The following CCSER2 variants were observed in gnomAD, a reference collection of about 807,000 sequenced individuals.
CCSER2 encodes serine-rich coiled-coil domain-containing protein 2.
CCSER2 carries 46 observed loss-of-function variants against 92.3 expected under a neutral mutation model. The observed-to-expected ratio is 0.50, with a 90% confidence interval of 0.39 to 0.64. The LOEUF is 0.64. Ranked by LOEUF, CCSER2 falls within the 30% of genes least tolerant of loss-of-function variation. The pLI, the probability that CCSER2 is intolerant of heterozygous loss-of-function variation, is 0.00. For missense variants in CCSER2, 1,244 were observed against 1,238.9 expected (o/e 1.00, Z -0.06); for synonymous variants, 433 against 431.4 (o/e 1.00, Z -0.04).
intron 8 of CCSER2, among the ~76,000 whole-genome samples, chr10:84,471,923 T>A (rs1336909839): frequency 2.0e-5 from 3 of 152,136 alleles, no homozygotes. Context: ...TTAGAAGTAC[T>A]GAATTTTTTA....
In CCSER2 at chr10:84,503,033, G is replaced by A. The variant is rs780817570; in HGVS notation, c.2326-10416G>A. 4.3e-4 allele frequency among the ~76,000 whole-genome samples: 66 copies of A among 152,030 alleles called. 1 individual carries two copies. Among genetic ancestry groups the A allele is most frequent in the African/African-American group, 3.1e-4 (13 of 41,414 alleles). On this transcript the variant is annotated intron_variant, in intron 9 of 9. Coordinates refer to ENST00000372088, the MANE Select transcript of CCSER2 (RefSeq NM_001284240.2). ...AGGTCAGGAGATCGAGACCATCCTG[G>A]TTAACACGGTGAAACCGCATCTCTA...
chr10:84,444,432 T>C (rs890660675), intron 6 of CCSER2, among the ~76,000 whole-genome samples: 6 of 152,256 alleles, frequency 3.9e-5, no homozygotes, highest in Admixed American at 1.3e-4. Context: ...GACATTCTTC[T>C]AGGTTCTCTG....
At chr10:84,367,661 G>T (rs1845848224) in intron 1 of CCSER2, among the ~76,000 whole-genome samples, 1 of 150,148 alleles carries the variant, frequency 6.7e-6, no homozygotes. Flanking sequence ...GTTACCTTAA[G>T]ATTTTTCTCC....
intron 9 of CCSER2, among the ~76,000 whole-genome samples, chr10:84,506,845 C>A (rs926330455): frequency 6.8e-6 from 1 of 147,104 alleles, no homozygotes; most frequent in Non-Finnish European, 1.5e-5. Flanking sequence ...CTTATTTAAT[C>A]TTATAATATG....
chr10:84,338,879 G>A (rs182512573), intron 1 of CCSER2, among the ~76,000 whole-genome samples: 9 of 152,006 alleles, frequency 5.9e-5, no homozygotes, highest in Middle Eastern at 3.4e-3. Context: ...GCCTCTTTTC[G>A]TGGTTCATTT....
At chr10:84,495,353 G>C (rs1406193042) in intron 9 of CCSER2, among the ~76,000 whole-genome samples, 1 of 151,996 alleles carries the variant, frequency 6.6e-6, no homozygotes, top group East Asian at 1.9e-4. Context: ...TTTTAACTTT[G>C]TTGTGGTTTG....
At chr10:84,501,734 C>T (rs927153928) in intron 9 of CCSER2, among the ~76,000 whole-genome samples, 2 of 132,480 alleles carry the variant, frequency 1.5e-5, no homozygotes, top group East Asian at 2.2e-4. Context: ...TTTTTTTAAA[C>T]CTTTCTAGAT....
chr10:84,486,656 T>C (rs1354354751), intron 9 of CCSER2, among the ~76,000 whole-genome samples: 1 of 152,254 alleles, frequency 6.6e-6, no homozygotes, highest in African/African-American at 2.4e-5. Flanking sequence ...CTTTGTCAGA[T>C]GAGTAGATTG....
intron 9 of CCSER2, among the ~76,000 whole-genome samples, chr10:84,479,276 T>A (rs182720277): frequency 1.3e-5 from 2 of 152,336 alleles, no homozygotes; most frequent in Non-Finnish European, 1.5e-5. Context: ...TTAACTGGCA[T>A]AGCAAAGTTC....
chr10:84,349,353 GT>G (rs1844731948), intron 1 of CCSER2, among the ~76,000 whole-genome samples: 1 of 152,122 alleles, frequency 6.6e-6, no homozygotes, highest in Admixed American at 6.5e-5. Flanking sequence ...GAGTCCTGTA[GT>G]TTCTCTCTCC....
At chr10:84,503,091 G>T (rs1182440394) in intron 9 of CCSER2, among the ~76,000 whole-genome samples, 1 of 152,042 alleles carries the variant, frequency 6.6e-6, no homozygotes, top group Non-Finnish European at 1.5e-5. Flanking sequence ...GGGCGTGGTG[G>T]CGGGTGCCTG....
chr10:84,333,039 G>C (rs567089310), intron 1 of CCSER2, among the ~76,000 whole-genome samples: 1 of 152,020 alleles, frequency 6.6e-6, no homozygotes, highest in South Asian at 2.1e-4. Context: ...ACTTAAATAG[G>C]AAAACAAAAT....
chr10:84,415,069 T>A (rs1459787602), intron 3 of CCSER2, among the ~76,000 whole-genome samples: 1 of 152,172 alleles, frequency 6.6e-6, no homozygotes. Flanking sequence ...ATTCTGAGCT[T>A]CTTTGCATTG....
chr10:84,394,152 A>G (rs987512534), intron 3 of CCSER2, among the ~76,000 whole-genome samples: 1 of 152,140 alleles, frequency 6.6e-6, no homozygotes, highest in Admixed American at 6.6e-5. Context: ...TTCAGCATTA[A>G]TGTTTCTTAT....
intron 9 of CCSER2, among the ~76,000 whole-genome samples, chr10:84,489,197 A>T (rs1847992699): frequency 6.6e-6 from 1 of 152,170 alleles, no homozygotes; most frequent in South Asian, 2.1e-4. Context: ...TGTGGTGCTG[A>T]GAAGAATGTA....
At chr10:84,477,019 A>G (rs1847189182) in intron 8 of CCSER2, among the ~76,000 whole-genome samples, 1 of 152,218 alleles carries the variant, frequency 6.6e-6, no homozygotes, top group Non-Finnish European at 1.5e-5. Flanking sequence ...AATGTCCAGC[A>G]GAGTCCCATT....
At chr10:84,381,611 C>T (rs1422392354) in intron 3 of CCSER2, among the ~76,000 whole-genome samples, 1 of 152,042 alleles carries the variant, frequency 6.6e-6, no homozygotes, top group East Asian at 1.9e-4. Flanking sequence ...CCAGTGAAAC[C>T]TTGGGAGCTG....
intron 3 of CCSER2, among the ~76,000 whole-genome samples, chr10:84,393,307 C>T (rs1457051032): frequency 6.6e-6 from 1 of 152,102 alleles, no homozygotes; most frequent in Middle Eastern, 3.2e-3. Flanking sequence ...ATATACTACT[C>T]ATGATTCTAT....
intron 9 of CCSER2, among the ~76,000 whole-genome samples, chr10:84,512,414 G>GAA (rs1849409213): frequency 6.6e-6 from 1 of 151,730 alleles, no homozygotes; most frequent in African/African-American, 2.4e-5. Flanking sequence ...GAGAGAGAGA[G>GAA]AGGAGAGAGA....
Sources: gnomAD v4.1 joint callset for allele counts (sites outside exome capture counted in the v4.1 genomes callset) on GRCh38, gnomAD v4.1.1 for gene constraint, MANE v1.5 for transcripts, NCBI Gene and HGNC (gene_info 2026-07-23, HGNC 2026-07-21) for gene names.